Variants in ARHGEF10L observed in about 807,000 individuals in gnomAD.
ARHGEF10L encodes Rho guanine nucleotide exchange factor 10 like.
In ARHGEF10L, 69 loss-of-function variants were observed where a neutral mutation model predicts 141.2. The observed-to-expected ratio is 0.49, with a 90% CI of 0.40 to 0.60. ARHGEF10L has a LOEUF of 0.60. Among genes scored for constraint, ARHGEF10L ranks in the 20% least tolerant of loss-of-function variants. The pLI is 0.00. For missense variants in ARHGEF10L, 1,482 were observed against 1,734.3 expected (o/e 0.85, Z 2.58); for synonymous variants, 711 against 718.5 (o/e 0.99, Z 0.17).
At chr1:17,648,436 T>A in intron 21 of ARHGEF10L, 118 bp from the exon 22 acceptor site, 1 of 1,322,672 alleles carries the variant, frequency 7.6e-7, no homozygotes, top group Non-Finnish European at 1.0e-6. Flanking sequence ...GGGGAGTGAC[T>A]GGATGGGGCC....
Position 17,656,468 on chromosome 1 carries a change from G to A in ARHGEF10L, c.2706-86G>A. On this transcript the variant is annotated intron_variant, in intron 24 of 28. Transcript: ENST00000361221. This position sits in a 1 kb window ranked among gnomAD's most constrained non-coding sequence, Gnocchi z 4.9. Reference sequence around the variant, plus strand: ...TGGCTGAGAGGGGTCAGCTCCCTGGGGCCCTCTCCCTAGGAGGGCATGGGG... The same window carrying A: ...TGGCTGAGAGGGGTCAGCTCCCTGGAGCCCTCTCCCTAGGAGGGCATGGGG... 1 of 1,483,620 alleles carries A rather than the reference G, an allele frequency of 6.7e-7. No homozygotes were observed. Among genetic ancestry groups the A allele is most frequent in the Non-Finnish European group, 9.2e-7 (1 of 1,090,966 alleles). 91.9% of individuals were successfully genotyped at this position (1,483,620 alleles called of 1,614,324 possible).
At chr1:17,517,470 C>T in the ARHGEF10L span, among the ~76,000 whole-genome samples, 7 of 151,848 alleles carry the variant, frequency 4.6e-5, no homozygotes, top group South Asian at 4.2e-4. Flanking sequence ...ACTACAGGTG[C>T]GTGCCACCAT....
At chr1:17,647,988 G>C (rs985924734) in intron 21 of ARHGEF10L, among the ~76,000 whole-genome samples, 2 of 152,074 alleles carry the variant, frequency 1.3e-5, no homozygotes, top group African/African-American at 4.8e-5. Flanking sequence ...GGAGGCAGGC[G>C]GCTTCCTAAT....
At position 17,656,235 on chromosome 1, in the gene ARHGEF10L, C is replaced by A; in HGVS notation, c.2705+133C>A. The A allele has an allele frequency of 8.7e-7, 1 of 1,145,594 alleles. No individual in the cohort carries two copies. Among genetic ancestry groups the A allele is most frequent in the Non-Finnish European group, 1.2e-6 (1 of 812,750 alleles). 71.0% of individuals were successfully genotyped at this position (1,145,594 alleles called of 1,614,324 possible). ...TGCCCCTGGTCTCCAGGAAGGTGGGCACCAGAGCTGCCCAGTGTGGGAGCC... is the reference window on the plus strand; with the variant it reads ...TGCCCCTGGTCTCCAGGAAGGTGGGAACCAGAGCTGCCCAGTGTGGGAGCC... On this transcript the variant is annotated intron_variant, in intron 24 of 28. Transcript: ENST00000361221. The surrounding 1 kb of genome is among the most constrained non-coding windows in gnomAD (Gnocchi z 4.9).
chr1:17,605,204 C>T (rs911800731), intron 6 of ARHGEF10L, among the ~76,000 whole-genome samples: 1 of 152,310 alleles, frequency 6.6e-6, no homozygotes, highest in African/African-American at 2.4e-5. Context: ...TGGAGAGGAG[C>T]TCGGGCCAGC....
At chr1:17,574,734 G>A (rs114929345) in intron 1 of ARHGEF10L, among the ~76,000 whole-genome samples, 2,791 of 152,226 alleles carry the variant, frequency 0.018, 84 homozygotes, top group African/African-American at 0.063. Context: ...TCCCCATCCC[G>A]GACTCTCCAC....
Position 17,615,050 on chromosome 1 carries a change from G to T in ARHGEF10L, c.727-1044G>T, listed in dbSNP as rs1018104872. On this transcript the variant is annotated intron_variant, in intron 8 of 28. Transcript: ENST00000361221. The surrounding 1 kb of genome is among the most constrained non-coding windows in gnomAD (Gnocchi z 4.7). ...CTGCACTGTCCATTATGATAGCCAC[G>T]TGGCTCTTTAAATGGAAATTAACTA... The T allele has an allele frequency of 6.6e-6, 1 of 152,208 alleles. No homozygotes were observed. The highest frequency in any genetic ancestry group is 1.5e-5 in the Non-Finnish European group (1 of 68,038). 9.4% of individuals were successfully genotyped at this position (152,208 alleles called of 1,614,324 possible).
In ARHGEF10L at chr1:17,621,365, T is replaced by C. The variant is rs1400429097; in HGVS notation, c.943-499T>C. On this transcript the variant is annotated intron_variant, in intron 10 of 28. Coordinates refer to ENST00000361221, the MANE Select transcript of ARHGEF10L (RefSeq NM_018125.4). This position sits in a 1 kb window ranked among gnomAD's most constrained non-coding sequence, Gnocchi z 4.1. ...CTCTTGCTTCAGCCTCCAAAGTAGC[T>C]GGGACTATAGGCGCGTGCCACCACG... 6.6e-6 allele frequency among the ~76,000 whole-genome samples: 1 copy of C among 152,190 alleles called. No individual in the cohort carries two copies. Among genetic ancestry groups the C allele is most frequent in the Non-Finnish European group, 1.5e-5 (1 of 68,034 alleles).
chr1:17,683,822 G>C (rs971205802), intron 26 of ARHGEF10L, among the ~76,000 whole-genome samples: 10 of 152,228 alleles, frequency 6.6e-5, no homozygotes, highest in Admixed American at 1.3e-4. Context: ...CTTTTAATTA[G>C]ATTCTGACAG....
chr1:17,680,309 G>A (rs868641309), intron 26 of ARHGEF10L, among the ~76,000 whole-genome samples: 3 of 152,340 alleles, frequency 2.0e-5, no homozygotes, highest in African/African-American at 7.2e-5. Context: ...CGAGCCTTCC[G>A]GCCCCTTGGC....
At chr1:17,541,094 T>C (rs1249401201) in intron 1 of ARHGEF10L, among the ~76,000 whole-genome samples, 4 of 152,162 alleles carry the variant, frequency 2.6e-5, no homozygotes, top group African/African-American at 7.2e-5. Flanking sequence ...GAAGGCTTCC[T>C]GGGGTGCCCG....
chr1:17,513,455 T>G, the ARHGEF10L span, among the ~76,000 whole-genome samples: 1 of 152,200 alleles, frequency 6.6e-6, no homozygotes, highest in Non-Finnish European at 1.5e-5. Context: ...AGGGCATTCA[T>G]TCTCCAAGGG....
intron 27 of ARHGEF10L, among the ~76,000 whole-genome samples, chr1:17,692,524 T>C (rs2065181606): frequency 6.6e-6 from 1 of 152,108 alleles, no homozygotes; most frequent in African/African-American, 2.4e-5. Flanking sequence ...CTTCCTCTGC[T>C]CCACCTCTGC....
In ARHGEF10L at chr1:17,607,806, A is replaced by G. The variant is rs1213162406; in HGVS notation, c.438A>G (p.Ala146=). 3 of 1,578,658 alleles carry G rather than the reference A, an allele frequency of 1.9e-6. No individual in the cohort carries two copies. Among genetic ancestry groups the G allele is most frequent in the Non-Finnish European group, 2.6e-6 (3 of 1,164,558 alleles). ...CGGCTGCCGCTTGGCCAGCAGGGGC[A>G]GAGAGGAACCTGCTCTACGAGGATG... ...CESPDAHQPG[A]ERNLLYEDAH... is the part of the protein sequence containing the mutation. Residue 146 remains alanine, a synonymous_variant, in exon 7 of 29, where the codon GCA becomes GCG. Coordinates refer to ENST00000361221, the MANE Select transcript of ARHGEF10L (RefSeq NM_018125.4). This position sits in a 1 kb window ranked among gnomAD's most constrained non-coding sequence, Gnocchi z 4.5.
intron 3 of ARHGEF10L, among the ~76,000 whole-genome samples, chr1:17,588,225 T>C (rs1570659097): frequency 1.5e-5 from 1 of 65,020 alleles, no homozygotes; most frequent in Non-Finnish European, 2.9e-5. Context: ...TGGCTGGAGT[T>C]GGGAAGTGGG....
At chr1:17,599,750 G>T (rs1236061182) in intron 4 of ARHGEF10L, among the ~76,000 whole-genome samples, 1 of 152,172 alleles carries the variant, frequency 6.6e-6, no homozygotes, top group African/African-American at 2.4e-5. Flanking sequence ...TTGCCCTGGG[G>T]TGACACTGTT....
In ARHGEF10L at chr1:17,603,102, G is replaced by T. The variant is rs2100958345; in HGVS notation, c.350-406G>T. On this transcript the variant is annotated intron_variant, in intron 5 of 28. Transcript: ENST00000361221. This position sits in a 1 kb window ranked among gnomAD's most constrained non-coding sequence, Gnocchi z 4.8. Reference sequence around the variant, plus strand: ...GGACCGGCTCCCATCAGGGGTGGGGGCTGGTTTTCCAAGTCCTAGCACTGC... The same window carrying T: ...GGACCGGCTCCCATCAGGGGTGGGGTCTGGTTTTCCAAGTCCTAGCACTGC... Among the ~76,000 whole-genome samples the T allele has an allele frequency of 6.6e-6, 1 of 152,230 alleles. No individual in the cohort carries two copies. The highest frequency in any genetic ancestry group is 1.5e-5 in the Non-Finnish European group (1 of 68,006).
intron 21 of ARHGEF10L, among the ~76,000 whole-genome samples, chr1:17,641,358 G>T (rs955515504): frequency 1.3e-5 from 2 of 152,194 alleles, no homozygotes; most frequent in African/African-American, 2.4e-5. Flanking sequence ...AAGGCCGGGC[G>T]CAGTGGCTCA....
chr1:17,568,727 G>A (rs1402155565), intron 1 of ARHGEF10L, among the ~76,000 whole-genome samples: 1 of 152,210 alleles, frequency 6.6e-6, no homozygotes, highest in East Asian at 1.9e-4. Context: ...CGCACCACAG[G>A]GTTGGTCAGC....
Sources: allele counts gnomAD v4.1 joint callset (sites outside exome capture counted in the v4.1 genomes callset), GRCh38; gene constraint gnomAD v4.1.1; non-coding constraint Gnocchi (gnomAD v3.1); transcripts MANE v1.5; gene names NCBI Gene and HGNC (gene_info 2026-07-23, HGNC 2026-07-21).